Variants in ANKFN1 observed in about 807,000 individuals in gnomAD.
The protein encoded by ANKFN1 is ankyrin repeat and fibronectin type III domain containing 1.
ANKFN1 carries 74 observed loss-of-function variants against 108.7 expected under a neutral mutation model. The ratio of observed to expected loss-of-function variants is 0.68; its 90% confidence interval spans 0.56 to 0.83. The LOEUF is 0.83. Among genes scored for constraint, ANKFN1 ranks in the 40% least tolerant of loss-of-function variants. The pLI, the probability that ANKFN1 is intolerant of heterozygous loss-of-function variation, is 0.00. For missense variants in ANKFN1, 1,505 were observed against 1,382.3 expected (o/e 1.09, Z -1.41); for synonymous variants, 547 against 516.2 (o/e 1.06, Z -0.81).
intron 6 of ANKFN1, among the ~76,000 whole-genome samples, chr17:56,363,992 T>C (rs1202045296): frequency 1.3e-5 from 2 of 152,104 alleles, no homozygotes; most frequent in African/African-American, 2.4e-5. Flanking sequence ...GAGAAATAAT[T>C]GGTTTTATTA....
At chr17:56,078,293 C>T (rs545948602) in intron 4 of ANKFN1, among the ~76,000 whole-genome samples, 16 of 152,286 alleles carry the variant, frequency 1.1e-4, no homozygotes, top group Admixed American at 9.8e-4. Flanking sequence ...TCTTGAAGCC[C>T]TGGTCACCTT....
chr17:56,100,162 G>A (rs1439745448), intron 4 of ANKFN1, among the ~76,000 whole-genome samples: 1 of 152,174 alleles, frequency 6.6e-6, no homozygotes, highest in African/African-American at 2.4e-5. Context: ...GTGAAGGCAG[G>A]ACCAGAAACC....
At chr17:56,101,097 C>T (rs750746490) in intron 4 of ANKFN1, among the ~76,000 whole-genome samples, 3 of 152,078 alleles carry the variant, frequency 2.0e-5, no homozygotes, top group Non-Finnish European at 2.9e-5. Flanking sequence ...GACAATGGCC[C>T]TCTACAATCC....
intron 18 of ANKFN1, among the ~76,000 whole-genome samples, chr17:56,483,899 C>A (rs1454962523): frequency 6.6e-6 from 1 of 151,884 alleles, no homozygotes; most frequent in African/African-American, 2.4e-5. Flanking sequence ...CTTATGGTGG[C>A]AGGAGTAAAA....
chr17:56,352,405 C>G (rs2046270202), intron 5 of ANKFN1, among the ~76,000 whole-genome samples: 1 of 152,074 alleles, frequency 6.6e-6, no homozygotes, highest in Non-Finnish European at 1.5e-5. Context: ...TGGAGATCTT[C>G]CACATGTTAA....
intron 3 of ANKFN1, among the ~76,000 whole-genome samples, chr17:56,294,417 T>C (rs1026004980): frequency 6.6e-6 from 1 of 152,184 alleles, no homozygotes; most frequent in African/African-American, 2.4e-5. Flanking sequence ...ATAATTCAGG[T>C]CATTGGACTT....
chr17:56,135,727 G>C (rs1409449039), intron 4 of ANKFN1, among the ~76,000 whole-genome samples: 1 of 152,146 alleles, frequency 6.6e-6, no homozygotes, highest in Non-Finnish European at 1.5e-5. Flanking sequence ...TTCCTCTGAA[G>C]TTATTGATTA....
intron 8 of ANKFN1, among the ~76,000 whole-genome samples, chr17:56,380,649 A>G (rs1331957592): frequency 6.6e-6 from 1 of 152,226 alleles, no homozygotes; most frequent in Non-Finnish European, 1.5e-5. Flanking sequence ...CACATGGCTC[A>G]GAGGGTCCTA....
intron 3 of ANKFN1, among the ~76,000 whole-genome samples, chr17:56,292,764 C>G (rs2044399413): frequency 1.3e-5 from 2 of 152,142 alleles, no homozygotes; most frequent in Admixed American, 6.5e-5. Context: ...CTGGTGAAAA[C>G]TAGCATGCTA....
chr17:56,443,221 G>C (rs2145173887), intron 10 of ANKFN1, among the ~76,000 whole-genome samples: 1 of 152,278 alleles, frequency 6.6e-6, no homozygotes, highest in South Asian at 2.1e-4. Flanking sequence ...AGTCAGGCAT[G>C]GTGGCTCATG....
At chr17:56,087,602 C>G (rs1422515729) in intron 4 of ANKFN1, among the ~76,000 whole-genome samples, 1 of 151,268 alleles carries the variant, frequency 6.6e-6, no homozygotes, top group Non-Finnish European at 1.5e-5. Context: ...CCCATTGACC[C>G]ACTTGTTCAT....
At chr17:56,052,564 G>T (rs1904796125) in intron 4 of ANKFN1, among the ~76,000 whole-genome samples, 1 of 152,174 alleles carries the variant, frequency 6.6e-6, no homozygotes. Flanking sequence ...ATTGGTTTAA[G>T]GTCTAGATTT....
At chr17:56,160,667 G>C (rs772671324) in intron 1 of ANKFN1, among the ~76,000 whole-genome samples, 2 of 152,174 alleles carry the variant, frequency 1.3e-5, no homozygotes, top group Non-Finnish European at 2.9e-5. Context: ...GATGGGAGCT[G>C]CCGATTGCTT....
chr17:56,165,464 A>G (rs1306239478), intron 1 of ANKFN1, among the ~76,000 whole-genome samples: 3 of 152,208 alleles, frequency 2.0e-5, no homozygotes, highest in Non-Finnish European at 4.4e-5. Context: ...TAGATCTGCC[A>G]AAAGGATTCA....
At chr17:56,134,656 C>T (rs1347771621) in intron 4 of ANKFN1, among the ~76,000 whole-genome samples, 2 of 152,070 alleles carry the variant, frequency 1.3e-5, no homozygotes, top group Non-Finnish European at 2.9e-5. Context: ...AAACTGGGGG[C>T]AATACGTGTA....
At chr17:56,470,096 T>C (rs1273784644) in intron 15 of ANKFN1, among the ~76,000 whole-genome samples, 1 of 152,222 alleles carries the variant, frequency 6.6e-6, no homozygotes, top group Non-Finnish European at 1.5e-5. Context: ...GCTCCATCCA[T>C]GTCCCCGCAA....
Position 56,448,790 on chromosome 17 carries a change from G to T in ANKFN1, c.1100-289G>T, listed in dbSNP as rs184780587. ...TAAAAGGGGAGAAGGGGTTGGAAGA[G>T]GTTAGATTGGACTCCCAAATTCCTG... is the stretch of plus-strand genomic sequence containing the variant. On this transcript the variant is annotated intron_variant, in intron 10 of 20. Transcript: ENST00000682825. Among the ~76,000 whole-genome samples the T allele has an allele frequency of 1.1e-3, 175 of 152,192 alleles. 3 individuals carry two copies. The highest frequency in any genetic ancestry group is 1.2e-4 in the Non-Finnish European group (8 of 68,008).
chr17:56,462,602 A>G (rs2049943132), intron 14 of ANKFN1, among the ~76,000 whole-genome samples: 2 of 152,218 alleles, frequency 1.3e-5, no homozygotes, highest in African/African-American at 4.8e-5. Context: ...CTCACAAAAA[A>G]ATAAAATAAA....
intron 3 of ANKFN1, among the ~76,000 whole-genome samples, chr17:56,303,184 C>T (rs111459609): frequency 2.6e-5 from 4 of 152,314 alleles, no homozygotes; most frequent in African/African-American, 9.6e-5. Context: ...TAAAAGCCAA[C>T]AATTCCATTA....
Sources: allele counts gnomAD v4.1 joint callset (sites outside exome capture counted in the v4.1 genomes callset), GRCh38; gene constraint gnomAD v4.1.1; transcripts MANE v1.5; gene names NCBI Gene and HGNC (gene_info 2026-07-23, HGNC 2026-07-21).